Variants in MBD6 observed in about 807,000 individuals in gnomAD.
MBD6 encodes methyl-CpG binding domain protein 6, also known as methyl-CpG-binding domain protein 6.
In MBD6, 22 loss-of-function variants were observed where a neutral mutation model predicts 66.8. The observed-to-expected ratio is 0.33, with a 90% CI of 0.24 to 0.47. MBD6 has a LOEUF of 0.47. Among genes scored for constraint, MBD6 ranks in the 20% least tolerant of loss-of-function variants. The probability of loss-of-function intolerance (pLI) is 1.00; values close to 1 mark genes in which losing one functional copy is unlikely to be tolerated. For synonymous variants in MBD6, 540 were observed against 534.6 expected (o/e 1.01, Z -0.14); for missense variants, 1,322 against 1,286.9 (o/e 1.03, Z -0.42).
In MBD6 at chr12:57,528,373, G is replaced by A. The variant is rs935307128; in HGVS notation, c.2633G>A (p.Arg878Gln). Residue 878 changes from arginine (R) to glutamine (Q), a missense_variant, in exon 10 of 13, where the codon CGA becomes CAA. Transcript: ENST00000355673. ...INGEARPARG[R>Q]KPGSRREPGR... ...GGTGAGGCCAGGCCAGCCCGGGGCC[G>A]AAAGCCTGGCAGCCGGCGGGAGCCT... The A allele has an allele frequency of 5.0e-6, 8 of 1,612,608 alleles. No homozygotes were observed. The East Asian group carries it at 8.9e-5, about 18-fold the overall frequency.
rs759588173 is a variant in MBD6 at position 57,526,132 on chromosome 12, T to C, written c.1164T>C (p.Arg388=). The C allele has an allele frequency of 3.1e-6, 5 of 1,613,918 alleles. No individual in the cohort carries two copies. The East Asian group carries it at 1.1e-4, about 36-fold the overall frequency. ...GRGPQTPRRS[R]PRAPAPVPQP... ...GCCCTCAAACCCCTAGACGGAGCCG[T>C]CCTCGGGCCCCTGCTCCTGTCCCCC... The change falls in exon 6 of 13, where the codon CGT becomes CGC. Residue 388 remains arginine, a synonymous_variant. Transcript: ENST00000355673.
At chr12:57,527,327 G>A in intron 7 of MBD6, 100 bp downstream of exon 7, 1 of 1,092,810 alleles carries the variant, frequency 9.2e-7, no homozygotes, top group Non-Finnish European at 1.3e-6. Flanking sequence ...GCTCTTCCTT[G>A]GGGCCTTTGG....
chr12:57,528,270 C>A lies in MBD6; in HGVS notation c.2530C>A (p.Pro844Thr), dbSNP rs376052733. The A allele has an allele frequency of 6.2e-7, 1 of 1,605,206 alleles. No homozygotes were observed. Among genetic ancestry groups the A allele is most frequent in the Admixed American group, 1.7e-5 (1 of 59,022 alleles). Residue 844 changes from proline (P) to threonine (T), a missense_variant, in exon 10 of 13, where the codon CCA (proline) becomes ACA (threonine). Transcript: ENST00000355673. ...CCCACCCCATGGTTCTCCCGACCCC[C>A]CAGTCCCTGAGCTGCTCACTGGGAG... ...LAPPHGSPDP[P>T]VPELLTGRGS...
intron 1 of MBD6, among the ~76,000 whole-genome samples, chr12:57,523,761 A>T (rs756351683): frequency 2.0e-5 from 3 of 152,122 alleles, no homozygotes; most frequent in Admixed American, 2.0e-4. Context: ...GAAGTCTTCT[A>T]CTCCGAATGG....
intron 6 of MBD6, 43 bp from the exon 7 acceptor site, chr12:57,526,523 A>G: frequency 6.6e-7 from 1 of 1,513,006 alleles, no homozygotes; most frequent in Non-Finnish European, 8.8e-7. Context: ...GGATGATGGG[A>G]GAAAGGGCCT....
chr12:57,524,825 C>T lies in MBD6; in HGVS notation c.216+3C>T, dbSNP rs758206307. 3.7e-6 allele frequency: 6 copies of T among 1,614,068 alleles called. No individual in the cohort carries two copies. The African/African-American group carries it at 6.7e-5, about 18-fold the overall frequency. On this transcript the variant is annotated splice_donor_region_variant and intron_variant, in intron 4 of 12. Coordinates refer to ENST00000355673, the MANE Select transcript of MBD6 (RefSeq NM_052897.4). ...AGTGTCCACTTAATGTCCCCAAGGT[C>T]AGAGTGGTGAGGGGCGCCTGAGAGT...
Position 57,526,980 on chromosome 12 carries a change from C to T in MBD6, c.1835C>T (p.Pro612Leu). ...LLPPPPSDLL[P>L]PPSAPPSNLL... ...CCTCCACCACCCTCAGACCTTCTTC[C>T]ACCTCCTTCAGCACCTCCCAGCAAC... Residue 612 changes from proline to leucine, a missense_variant, in exon 7 of 13, where the codon CCA becomes CTA. Transcript: ENST00000355673. 3 of 1,613,808 alleles carry T rather than the reference C, an allele frequency of 1.9e-6. No homozygotes were observed. The highest frequency in any genetic ancestry group is 2.2e-5 in the East Asian group (1 of 44,872).
At chr12:57,530,620 C>A, downstream of MBD6, 3 of 1,346,162 alleles carry the variant, frequency 2.2e-6, no homozygotes, top group East Asian at 2.3e-5. Context: ...AAAGGGGAAA[C>A]CCTATGTAAG....
At position 57,525,451 on chromosome 12, in the gene MBD6, T is replaced by TGGA. The variant is rs1228944235; in HGVS notation, c.485_486insAGG (p.Gly162dup). ...CTACAACTCCACTTAATGGGGGTCC[T>TGGA]GGCTCCCTTCCCCCAGAACCACCCT... On this transcript the variant is annotated inframe_insertion, in exon 6 of 13. Coordinates refer to ENST00000355673, the MANE Select transcript of MBD6 (RefSeq NM_052897.4). The TGGA allele has an allele frequency of 6.5e-7, 1 of 1,536,318 alleles. No homozygotes were observed. The highest frequency in any genetic ancestry group is 8.7e-7 in the Non-Finnish European group (1 of 1,146,152).
At chr12:57,525,283 G>A in intron 5 of MBD6, 65 bp from the exon 6 acceptor site, 1 of 1,512,192 alleles carries the variant, frequency 6.6e-7, no homozygotes. Flanking sequence ...GATGGGACTA[G>A]AGAAGACAAA....
chr12:57,523,423 C>G (rs993305332), intron 1 of MBD6: 1 of 152,120 alleles, frequency 6.6e-6, no homozygotes, highest in African/African-American at 2.4e-5. Flanking sequence ...TGGAGATAAT[C>G]GGAAGCCAGT....
upstream of MBD6, chr12:57,521,570 AT>A: frequency 6.6e-6 from 1 of 152,284 alleles, no homozygotes; most frequent in Non-Finnish European, 1.5e-5. Context: ...CTTGGTAGTC[AT>A]TTTCCGCTTC....
upstream of MBD6, chr12:57,522,098 C>G (rs1157682139): frequency 6.6e-6 from 1 of 152,064 alleles, no homozygotes; most frequent in East Asian, 1.9e-4. Context: ...CTGTCATACC[C>G]TCATGGGGGC....
intron 10 of MBD6, 35 bp from the exon 11 acceptor site, chr12:57,528,631 G>A (rs372780985): frequency 8.1e-6 from 13 of 1,613,092 alleles, no homozygotes; most frequent in Non-Finnish European, 1.0e-5. Context: ...AGCCTTTTTC[G>A]AAATTTCCCA....
At chr12:57,530,609 TA>T, downstream of MBD6, 1 of 1,266,378 alleles carries the variant, frequency 7.9e-7, no homozygotes, top group Non-Finnish European at 1.1e-6. Flanking sequence ...AGAGTTATAG[TA>T]AAGGGGAAAC....
rs1163510241 is a variant in MBD6 at position 57,529,574 on chromosome 12, T to C, written c.*340T>C. 4.3e-5 allele frequency: 10 copies of C among 230,214 alleles called. No homozygotes were observed. The highest frequency in any genetic ancestry group is 1.8e-4 in the East Asian group (2 of 11,178). The allele number at this position is 230,214 out of a possible 1,614,324, so 14.3% of individuals were successfully genotyped here. On this transcript the variant is annotated 3_prime_UTR_variant, in exon 13 of 13. Coordinates refer to ENST00000355673, the MANE Select transcript of MBD6 (RefSeq NM_052897.4). The stretch of plus-strand genomic sequence containing the variant: ...GTTATTTTTGCACAAATGACTCTTT[T>C]ATATTTAATTCGATTTCATTGCCTC...
In MBD6 at chr12:57,525,291, A is replaced by G. The variant is rs1878795287; in HGVS notation, c.380-57A>G. The G allele has an allele frequency of 2.0e-6, 3 of 1,523,378 alleles. No homozygotes were observed. The East Asian group carries it at 6.8e-5, about 34-fold the overall frequency. The allele number at this position is 1,523,378 out of a possible 1,614,324, so 94.4% of individuals were successfully genotyped here. ...TGTGGGAGATGGGACTAGAGAAGACAAAAGAGTTTTTGGAAGGGGAGCCAC... is the reference window on the plus strand; with the variant it reads ...TGTGGGAGATGGGACTAGAGAAGACGAAAGAGTTTTTGGAAGGGGAGCCAC... On this transcript the variant is annotated intron_variant, in intron 5 of 12. Coordinates refer to ENST00000355673, the MANE Select transcript of MBD6 (RefSeq NM_052897.4).
chr12:57,524,918 C>T lies in MBD6; in HGVS notation c.217-35C>T, dbSNP rs765087513. On this transcript the variant is annotated intron_variant, in intron 4 of 12. Coordinates refer to ENST00000355673, the MANE Select transcript of MBD6 (RefSeq NM_052897.4). ...GTAGCCCTTCTCACAGGTTCCAGCC[C>T]CTCAGGGTCCCTGTCCTTGCTTTCC... The T allele has an allele frequency of 8.1e-6, 13 of 1,602,772 alleles. No individual in the cohort carries two copies. In the South Asian group the frequency reaches 1.1e-4, roughly 14 times the overall value.
In MBD6 at chr12:57,529,387, T is replaced by G; in HGVS notation, c.*153T>G. 8.6e-6 allele frequency: 5 copies of G among 579,228 alleles called. No individual in the cohort carries two copies. Among genetic ancestry groups the G allele is most frequent in the African/African-American group, 2.0e-5 (1 of 50,752 alleles). 35.9% of individuals were successfully genotyped at this position (579,228 alleles called of 1,614,324 possible). A position where few individuals can be genotyped will look rare whatever the true frequency, so the allele number is the denominator to read the frequency against. On this transcript the variant is annotated 3_prime_UTR_variant, in exon 13 of 13. Coordinates refer to ENST00000355673, the MANE Select transcript of MBD6 (RefSeq NM_052897.4). ...TGCAACTCCTTCCCCTACAATCCCATCCTGAGCCATTGCAGGGGGCAGGGA... is the reference window on the plus strand; with the variant it reads ...TGCAACTCCTTCCCCTACAATCCCAGCCTGAGCCATTGCAGGGGGCAGGGA...
Sources: gnomAD v4.1 joint callset for allele counts (sites outside exome capture counted in the v4.1 genomes callset) on GRCh38, gnomAD v4.1.1 for gene constraint, MANE v1.5 for transcripts, NCBI Gene and HGNC (gene_info 2026-07-23, HGNC 2026-07-21) for gene names.